Variants in NRG3 observed in about 807,000 individuals in gnomAD.
NRG3 encodes neuregulin 3.
NRG3 carries 31 observed loss-of-function variants against 66.9 expected under a neutral mutation model. That is an observed-to-expected ratio of 0.46 (90% CI 0.35 to 0.63). The LOEUF is 0.63. NRG3 is among the 20% of genes least tolerant of loss of function. The pLI is 0.00. For missense variants in NRG3, 910 were observed against 878.9 expected, an observed-to-expected ratio of 1.04 and a Z score of -0.45; for synonymous variants, 393 against 359.4, an observed-to-expected ratio of 1.09 and a Z score of -1.06.
At chr10:82,780,326 C>T (rs2060068714) in intron 3 of NRG3, among the ~76,000 whole-genome samples, 1 of 152,120 alleles carries the variant, frequency 6.6e-6, no homozygotes, top group East Asian at 1.9e-4. Context: ...AACTAATTTA[C>T]ACTCCCACCC....
chr10:82,464,478 G>C (rs566886432), intron 2 of NRG3, among the ~76,000 whole-genome samples: 1 of 152,236 alleles, frequency 6.6e-6, no homozygotes, highest in East Asian at 1.9e-4. Flanking sequence ...TGATATCTTG[G>C]ATATTTATAT....
intron 1 of NRG3, among the ~76,000 whole-genome samples, chr10:81,882,088 A>C (rs1016043865): frequency 2.0e-5 from 3 of 152,220 alleles, no homozygotes; most frequent in Admixed American, 1.3e-4. Flanking sequence ...ATAATATTTA[A>C]GTAAATTACA....
intron 1 of NRG3, among the ~76,000 whole-genome samples, chr10:82,061,836 G>A (rs7081891): frequency 0.44 from 57,586 of 129,896 alleles, 11,215 homozygotes; most frequent in South Asian, 0.52. Flanking sequence ...TTCTGTCAGT[G>A]TCCCTTTCTC....
intron 3 of NRG3, among the ~76,000 whole-genome samples, chr10:82,778,443 C>T (rs2059989487): frequency 6.6e-6 from 1 of 152,162 alleles, no homozygotes; most frequent in African/African-American, 2.4e-5. Flanking sequence ...ACCTTCTTCA[C>T]AGGGTGGCAG....
intron 2 of NRG3, among the ~76,000 whole-genome samples, chr10:82,712,631 C>T (rs1444588026): frequency 6.6e-6 from 1 of 152,082 alleles, no homozygotes; most frequent in African/African-American, 2.4e-5. Context: ...GCTGGATGCT[C>T]GCAATGGGAG....
intron 2 of NRG3, among the ~76,000 whole-genome samples, chr10:82,549,886 G>C (rs923389359): frequency 6.6e-6 from 1 of 152,006 alleles, no homozygotes; most frequent in South Asian, 2.1e-4. Context: ...ATCCAATACC[G>C]GTCACCATTT....
chr10:82,653,806 G>C (rs959106257), intron 2 of NRG3, among the ~76,000 whole-genome samples: 2 of 152,136 alleles, frequency 1.3e-5, no homozygotes, highest in African/African-American at 2.4e-5. Context: ...ATAAGAGCGA[G>C]GGCCTCATCA....
At chr10:82,686,055 A>T (rs2134162346) in intron 2 of NRG3, among the ~76,000 whole-genome samples, 1 of 152,332 alleles carries the variant, frequency 6.6e-6, no homozygotes, top group African/African-American at 2.4e-5. Context: ...TGTACTCAGA[A>T]AGAGTATACT....
At chr10:82,491,315 T>TAA (rs1590329594) in intron 2 of NRG3, among the ~76,000 whole-genome samples, 5 of 119,980 alleles carry the variant, frequency 4.2e-5, no homozygotes, top group African/African-American at 1.3e-4. Context: ...TATATATATA[T>TAA]AAAATAAAGA....
At chr10:81,963,092 C>T (rs1271500081) in intron 1 of NRG3, among the ~76,000 whole-genome samples, 2 of 145,776 alleles carry the variant, frequency 1.4e-5, no homozygotes, top group African/African-American at 5.1e-5. Context: ...ATGTTCTGCT[C>T]ATCTTTGGAA....
At chr10:82,855,690 G>A (rs1052014140) in intron 3 of NRG3, among the ~76,000 whole-genome samples, 4 of 152,068 alleles carry the variant, frequency 2.6e-5, no homozygotes, top group African/African-American at 9.6e-5. Context: ...GAGCCACCAC[G>A]TCCAGCTGTG....
intron 2 of NRG3, among the ~76,000 whole-genome samples, chr10:82,610,196 T>C (rs768665044): frequency 1.3e-5 from 2 of 152,158 alleles, no homozygotes; most frequent in Non-Finnish European, 2.9e-5. Context: ...CGCTTCAATC[T>C]CTTCTGCCTC....
At chr10:82,196,069 T>C (rs1452072901) in intron 1 of NRG3, among the ~76,000 whole-genome samples, 1 of 152,338 alleles carries the variant, frequency 6.6e-6, no homozygotes, top group African/African-American at 2.4e-5. Flanking sequence ...GCAGCAGCAA[T>C]AGTAAACTAA....
intron 2 of NRG3, among the ~76,000 whole-genome samples, chr10:82,669,717 A>G (rs2134025226): frequency 6.6e-6 from 1 of 152,254 alleles, no homozygotes; most frequent in African/African-American, 2.4e-5. Flanking sequence ...TCACGAGGTC[A>G]GGAGATCGAG....
chr10:82,286,236 T>A (rs1279339503), intron 1 of NRG3, among the ~76,000 whole-genome samples: 1 of 152,180 alleles, frequency 6.6e-6, no homozygotes, highest in African/African-American at 2.4e-5. Context: ...CTGAGGGACC[T>A]GAGTTTGGGG....
At chr10:82,479,386 G>T (rs1055429071) in intron 2 of NRG3, among the ~76,000 whole-genome samples, 1 of 151,926 alleles carries the variant, frequency 6.6e-6, no homozygotes, top group Non-Finnish European at 1.5e-5. Context: ...ATATGCACGC[G>T]TGTGTAGTCT....
At chr10:82,084,579 A>G (rs1441334408) in intron 1 of NRG3, among the ~76,000 whole-genome samples, 1 of 149,670 alleles carries the variant, frequency 6.7e-6, no homozygotes, top group African/African-American at 2.5e-5. Flanking sequence ...CTTCTGTTGC[A>G]CTATTTCCTT....
intron 1 of NRG3, among the ~76,000 whole-genome samples, chr10:82,212,643 G>T (rs1384347635): frequency 2.0e-5 from 3 of 152,074 alleles, no homozygotes; most frequent in Non-Finnish European, 4.4e-5. Flanking sequence ...AGGCAAAGTG[G>T]GCATGTAGGC....
Position 82,308,204 on chromosome 10 carries a change from C to T in NRG3, c.824-50535C>T, listed in dbSNP as rs527311319. Among the ~76,000 whole-genome samples the T allele has an allele frequency of 6.6e-5, 10 of 152,216 alleles. No individual in the cohort carries two copies. The East Asian group carries it at 1.2e-3, about 18-fold the overall frequency. ...TGATTGAGACAGAGTCTCCCTCTGTCGCCCAGGCTGAATTTGGGATGACAG... is the reference window on the plus strand; with the variant it reads ...TGATTGAGACAGAGTCTCCCTCTGTTGCCCAGGCTGAATTTGGGATGACAG... On this transcript the variant is annotated intron_variant, in intron 1 of 8. Coordinates refer to ENST00000372141, the MANE Select transcript of NRG3 (RefSeq NM_001010848.4).
Sources: gnomAD v4.1 joint callset for allele counts (sites outside exome capture counted in the v4.1 genomes callset) on GRCh38, gnomAD v4.1.1 for gene constraint, MANE v1.5 for transcripts, NCBI Gene and HGNC (gene_info 2026-07-23, HGNC 2026-07-21) for gene names.